The following OSBPL5 variants were observed in gnomAD, a reference collection of about 807,000 sequenced individuals.
The protein encoded by OSBPL5 is oxysterol-binding protein-related protein 5.
In OSBPL5, 71 loss-of-function variants were observed where a neutral mutation model predicts 111.2. The ratio of observed to expected loss-of-function variants is 0.64; its 90% CI spans 0.53 to 0.78. OSBPL5 has a LOEUF of 0.78. Ranked by LOEUF, OSBPL5 falls within the 30% of genes least tolerant of loss-of-function variation. The pLI is 0.00. For synonymous variants in OSBPL5, 549 were observed against 513.9 expected (o/e 1.07, Z -0.93); for missense variants, 1,210 against 1,189.3 (o/e 1.02, Z -0.26).
rs1217176983 is a variant in OSBPL5 at position 3,129,070 on chromosome 11, T to C, written c.79A>G (p.Lys27Glu). 2.5e-6 allele frequency: 4 copies of C among 1,579,554 alleles called. No homozygotes were observed. Among genetic ancestry groups the C allele is most frequent in the Middle Eastern group, 1.8e-4 (1 of 5,664 alleles). ...CTGAGGAGCAAGTTCCGGGTGAGCT[T>C]CCGGGGGTCGACTTTCTGAGGGGTG... ...SSTPQKVDPR[K>E]LTRNLLLSGD... Residue 27 changes from lysine (K) to glutamate (E), a missense_variant, in exon 2 of 22, where the codon AAG becomes GAG. Coordinates refer to ENST00000263650, the MANE Select transcript of OSBPL5 (RefSeq NM_020896.4).
intron 3 of OSBPL5, 72 bp from the exon 4 acceptor site, chr11:3,122,500 G>A (rs1365064913): frequency 2.9e-6 from 4 of 1,401,756 alleles, no homozygotes; most frequent in Non-Finnish European, 4.0e-6. Context: ...AGGTTGGCCT[G>A]ATGCCAAGGA....
intron 3 of OSBPL5, among the ~76,000 whole-genome samples, chr11:3,124,793 C>T (rs1858547617): frequency 1.7e-5 from 2 of 119,090 alleles, no homozygotes; most frequent in Admixed American, 8.6e-5. Context: ...GCAAGCATCT[C>T]GAATGAATGA....
rs368805038 is a variant in OSBPL5 at position 3,122,474 on chromosome 11, C to G, written c.220-46G>C. 3.2e-6 allele frequency: 5 copies of G among 1,586,134 alleles called. No individual in the cohort carries two copies. In the African/African-American group the frequency reaches 6.7e-5, roughly 21 times the overall value. On this transcript the variant is annotated intron_variant, in intron 3 of 21. Coordinates refer to ENST00000263650, the MANE Select transcript of OSBPL5 (RefSeq NM_020896.4). ...TGCGGGACAGGGCACAGGGGCCGGCCCAGGGCTAGGAGCCCAGGTTGGCCT... is the reference window on the plus strand; with the variant it reads ...TGCGGGACAGGGCACAGGGGCCGGCGCAGGGCTAGGAGCCCAGGTTGGCCT...
rs548571757 is a variant in OSBPL5 at position 3,109,545 on chromosome 11, C to T, written c.692-1600G>A. Reference sequence around the variant, plus strand: ...TTGAGATCCATTAAATCCTGCTCTTCGTGGGGCATCTCAGGGTCCAGTGTA... The same window carrying T: ...TTGAGATCCATTAAATCCTGCTCTTTGTGGGGCATCTCAGGGTCCAGTGTA... On this transcript the variant is annotated intron_variant, in intron 7 of 21. Transcript: ENST00000263650. This position sits in a 1 kb window ranked among gnomAD's most constrained non-coding sequence, Gnocchi z 7.4. Among the ~76,000 whole-genome samples the T allele has an allele frequency of 6.6e-5, 10 of 152,252 alleles. No individual in the cohort carries two copies. The highest frequency in any genetic ancestry group is 1.3e-4 in the Admixed American group (2 of 15,292).
intron 1 of OSBPL5, among the ~76,000 whole-genome samples, chr11:3,138,496 T>A (rs1846012912): frequency 6.6e-6 from 1 of 152,198 alleles, no homozygotes; most frequent in Admixed American, 6.5e-5. Context: ...AGGGGCCTGC[T>A]GGGATTGTGG....
chr11:3,148,631 T>C (rs569446255), intron 1 of OSBPL5, among the ~76,000 whole-genome samples: 31 of 152,232 alleles, frequency 2.0e-4, no homozygotes, highest in Middle Eastern at 3.4e-3. Context: ...TTTTCTATCA[T>C]ACGAAGCCAA....
intron 15 of OSBPL5, 152 bp downstream of exon 15, chr11:3,094,085 G>A: frequency 1.2e-6 from 1 of 804,358 alleles, no homozygotes; most frequent in Non-Finnish European, 2.0e-6. Context: ...CCTTCTCTGG[G>A]CCCTGTCTGT....
chr11:3,093,054 T>A lies in OSBPL5; in HGVS notation c.1947-2A>T, dbSNP rs372359762. 6.4e-7 allele frequency: 1 copy of A among 1,565,678 alleles called. No homozygotes were observed. Among genetic ancestry groups the A allele is most frequent in the African/African-American group, 1.3e-5 (1 of 74,522 alleles). On this transcript the variant is annotated splice_acceptor_variant, in intron 17 of 21. Transcript: ENST00000263650. LOFTEE classifies it high-confidence loss of function. ...GCCCTGGTGACGTGCTGCCAGAGCC[T>A]GCGGGCCAGTGACCCATCCTGAGCC...
chr11:3,124,136 G>A (rs1172324649), intron 3 of OSBPL5, among the ~76,000 whole-genome samples: 1 of 152,188 alleles, frequency 6.6e-6, no homozygotes, highest in Non-Finnish European at 1.5e-5. Flanking sequence ...TCTCAGCATT[G>A]TACAGAGGAA....
intron 7 of OSBPL5, among the ~76,000 whole-genome samples, chr11:3,119,242 C>T (rs1404758672): frequency 6.6e-6 from 1 of 151,920 alleles, no homozygotes; most frequent in African/African-American, 2.4e-5. Context: ...AACTCCTGAC[C>T]TCAAGTAATC....
rs1328540050 is a variant in OSBPL5 at position 3,122,343 on chromosome 11, C to A, written c.300+5G>T. On this transcript the variant is annotated splice_donor_5th_base_variant and intron_variant, in intron 4 of 21. Transcript: ENST00000263650. The stretch of plus-strand genomic sequence containing the variant: ...CTGCTGCACCCTCCCCGGGCCCGGG[C>A]TCACCTTGAGAGTCTCCTTCTTGGT... 2 of 1,612,496 alleles carry A rather than the reference C, an allele frequency of 1.2e-6. No homozygotes were observed. Among genetic ancestry groups the A allele is most frequent in the Admixed American group, 3.3e-5 (2 of 59,890 alleles).
intron 1 of OSBPL5, among the ~76,000 whole-genome samples, chr11:3,156,214 A>G (rs1846753958): frequency 6.6e-6 from 1 of 152,192 alleles, no homozygotes; most frequent in Non-Finnish European, 1.5e-5. Context: ...GGCCGTGCCC[A>G]AGGAAACCGG....
intron 1 of OSBPL5, among the ~76,000 whole-genome samples, chr11:3,131,891 ACCC>A (rs1845817170): frequency 3.9e-5 from 4 of 103,580 alleles, no homozygotes; most frequent in African/African-American, 1.0e-4. Flanking sequence ...CCATCCACCC[ACCC>A]TCCCTCCCTT....
chr11:3,089,800 C>T, intron 21 of OSBPL5, 46 bp downstream of exon 21: 1 of 1,523,164 alleles, frequency 6.6e-7, no homozygotes, highest in Non-Finnish European at 8.9e-7. Flanking sequence ...AGGTCTCTCG[C>T]ACTCTCTGAC....
At chr11:3,101,721 T>G in intron 12 of OSBPL5, 22 bp from the exon 13 acceptor site, 1 of 1,595,070 alleles carries the variant, frequency 6.3e-7, no homozygotes, top group South Asian at 1.1e-5. Flanking sequence ...GAGGCGGCTC[T>G]GTAAACAGCC....
rs1021708323 is a variant in OSBPL5, at chr11:3,129,206, G to A, written c.-21-37C>T. 10 of 1,358,414 alleles carry A rather than the reference G, an allele frequency of 7.4e-6. No individual in the cohort carries two copies. In the African/African-American group the frequency reaches 7.6e-5, roughly 10 times the overall value. The allele number at this position is 1,358,414 out of a possible 1,614,324, so 84.1% of individuals were successfully genotyped here. On this transcript the variant is annotated intron_variant, in intron 1 of 21. Transcript: ENST00000263650. ...GAAGGAGGGGCAGCAGGAGGTCACCGCCCCGGAAGGGGCTTCAGAGCCACA... is the reference window on the plus strand; with the variant it reads ...GAAGGAGGGGCAGCAGGAGGTCACCACCCCGGAAGGGGCTTCAGAGCCACA...
At chr11:3,144,259 C>T (rs1410386674) in intron 1 of OSBPL5, among the ~76,000 whole-genome samples, 1 of 152,140 alleles carries the variant, frequency 6.6e-6, no homozygotes, top group Non-Finnish European at 1.5e-5. Context: ...ACAATGAAAC[C>T]GCTGACAATG....
intron 1 of OSBPL5, among the ~76,000 whole-genome samples, chr11:3,145,959 C>T (rs11025604): frequency 0.17 from 25,909 of 152,174 alleles, 2,455 homozygotes; most frequent in African/African-American, 0.24. Flanking sequence ...GGGTCACAAT[C>T]GGCAAATGTG....
rs1479006315 is a variant in OSBPL5, at chr11:3,104,084, A to G, written c.1244+109T>C. The stretch of plus-strand genomic sequence containing the variant: ...CAGAAACAGTGGGCTGAGATCAGCC[A>G]TGGGATTCTCTGGAAGCCCCCACAG... On this transcript the variant is annotated intron_variant, in intron 10 of 21. Coordinates refer to ENST00000263650, the MANE Select transcript of OSBPL5 (RefSeq NM_020896.4). This position sits in a 1 kb window ranked among gnomAD's most constrained non-coding sequence, Gnocchi z 5.0. The G allele has an allele frequency of 7.7e-7, 1 of 1,300,840 alleles. No individual in the cohort carries two copies. The highest frequency in any genetic ancestry group is 1.1e-6 in the Non-Finnish European group (1 of 950,340). The allele number at this position is 1,300,840 out of a possible 1,614,324, so 80.6% of individuals were successfully genotyped here. A position where few individuals can be genotyped will look rare whatever the true frequency, so the allele number is the denominator to read the frequency against.
Sources: allele counts gnomAD v4.1 joint callset (sites outside exome capture counted in the v4.1 genomes callset), GRCh38; gene constraint gnomAD v4.1.1; non-coding constraint Gnocchi (gnomAD v3.1); transcripts MANE v1.5; gene names NCBI Gene and HGNC (gene_info 2026-07-23, HGNC 2026-07-21).